The following IDE variants were observed in gnomAD, a reference collection of about 807,000 sequenced individuals.
IDE encodes insulin-degrading enzyme.
Under a neutral mutation model 133.2 loss-of-function variants are expected in IDE, and 58 were observed. The ratio of observed to expected loss-of-function variants is 0.44; its 90% CI spans 0.35 to 0.54. The LOEUF (loss-of-function observed/expected upper bound fraction) is 0.54, where lower values mean the gene tolerates loss of function less well. IDE is among the 20% of genes least tolerant of loss of function. The pLI is 0.00. For missense variants in IDE, 981 were observed against 1,234.0 expected (o/e 0.79, Z 3.07); for synonymous variants, 396 against 421.3 (o/e 0.94, Z 0.73).
intron 1 of IDE, among the ~76,000 whole-genome samples, chr10:92,568,309 T>A (rs1268617698): frequency 6.6e-6 from 1 of 152,150 alleles, no homozygotes; most frequent in African/African-American, 2.4e-5. Flanking sequence ...TACCAGGGCA[T>A]ACTTGCATGA....
chr10:92,491,689 C>T (rs1481815119), intron 11 of IDE, among the ~76,000 whole-genome samples: 1 of 151,454 alleles, frequency 6.6e-6, no homozygotes, highest in Non-Finnish European at 1.5e-5. Context: ...TGGCTCACTG[C>T]AACCTCTGCC....
At chr10:92,512,602 A>T (rs1425110759) in intron 5 of IDE, among the ~76,000 whole-genome samples, 1 of 151,152 alleles carries the variant, frequency 6.6e-6, no homozygotes, top group African/African-American at 2.4e-5. Flanking sequence ...TAATCCCAGG[A>T]CTGGGTTCTA....
intron 11 of IDE, 126 bp downstream of exon 11, chr10:92,504,668 A>T (rs1250581028): frequency 2.9e-5 from 18 of 628,160 alleles, no homozygotes; most frequent in South Asian, 7.9e-5. Context: ...TCATTATACT[A>T]TTCTCTACTT....
chr10:92,487,066 T>A (rs1051456223), intron 13 of IDE, 130 bp downstream of exon 13: 2 of 802,040 alleles, frequency 2.5e-6, no homozygotes, highest in Middle Eastern at 2.4e-4. Flanking sequence ...TTTCTGCAGC[T>A]TTTTTGTCAC....
intron 1 of IDE, among the ~76,000 whole-genome samples, chr10:92,572,290 C>T (rs1843822275): frequency 6.6e-6 from 1 of 152,172 alleles, no homozygotes; most frequent in Admixed American, 6.6e-5. Flanking sequence ...CAGACTGACA[C>T]AAAAGAGGAC....
chr10:92,570,843 G>C (rs1252383535), intron 1 of IDE, among the ~76,000 whole-genome samples: 2 of 151,854 alleles, frequency 1.3e-5, no homozygotes, highest in Non-Finnish European at 2.9e-5. Flanking sequence ...TTGAACCCAA[G>C]AGATGAAGGC....
At chr10:92,511,618 G>A (rs1350712322) in intron 5 of IDE, among the ~76,000 whole-genome samples, 1 of 151,998 alleles carries the variant, frequency 6.6e-6, no homozygotes, top group Admixed American at 6.6e-5. Flanking sequence ...GCCTTTATAT[G>A]GTGTAAAATT....
intron 15 of IDE, 126 bp from the exon 16 acceptor site, chr10:92,476,120 T>C: frequency 1.6e-6 from 1 of 622,120 alleles, no homozygotes; most frequent in Non-Finnish European, 2.8e-6. Flanking sequence ...ACAAATTCAA[T>C]TTAATGTGTC....
At chr10:92,572,485 T>C (rs1212228619) in intron 1 of IDE, among the ~76,000 whole-genome samples, 1 of 152,270 alleles carries the variant, frequency 6.6e-6, no homozygotes, top group African/African-American at 2.4e-5. Context: ...AAAGACTAAG[T>C]CCCAACAGGT....
intron 4 of IDE, among the ~76,000 whole-genome samples, chr10:92,515,553 A>G (rs1466555740): frequency 4.3e-5 from 5 of 117,352 alleles, no homozygotes; most frequent in Non-Finnish European, 6.9e-5. Flanking sequence ...GCAACCGCGC[A>G]CCCGGCCTTT....
intron 1 of IDE, among the ~76,000 whole-genome samples, chr10:92,553,543 T>C (rs1842886900): frequency 6.6e-6 from 1 of 151,712 alleles, no homozygotes; most frequent in African/African-American, 2.4e-5. Context: ...ACAAGGACAT[T>C]ACAAGAAAAG....
At chr10:92,487,671 G>T (rs964861331) in intron 12 of IDE, among the ~76,000 whole-genome samples, 2 of 152,184 alleles carry the variant, frequency 1.3e-5, no homozygotes, top group African/African-American at 4.8e-5. Flanking sequence ...ATCTGCTCAG[G>T]AATATATTCC....
intron 16 of IDE, among the ~76,000 whole-genome samples, chr10:92,475,374 G>C (rs1846199637): frequency 6.6e-6 from 1 of 152,174 alleles, no homozygotes; most frequent in Admixed American, 6.6e-5. Flanking sequence ...ACTGATGGTA[G>C]TTTCTTCTAG....
Position 92,573,969 on chromosome 10 carries a change from G to T in IDE, c.51C>A (p.Phe17Leu). The T allele has an allele frequency of 6.7e-7, 1 of 1,489,240 alleles. No homozygotes were observed. The highest frequency in any genetic ancestry group is 8.9e-7 in the Non-Finnish European group (1 of 1,123,950). The allele number at this position is 1,489,240 out of a possible 1,614,324, so 92.3% of individuals were successfully genotyped here. Residue 17 changes from phenylalanine (F) to leucine (L), a missense_variant, in exon 1 of 25, where the codon TTC becomes TTA. Around this residue, in one of 2 missense-constraint regions of IDE, gnomAD observed 321 missense variants for 339.3 expected, o/e 0.95. Coordinates refer to ENST00000265986, the MANE Select transcript of IDE (RefSeq NM_004969.4). ...GCAGGCGGGCGCCGAGGACTGAGCG[G>T]AAGGTGCTGGGCAGTGCGGGGTGCA... ...WLLHPALPST[F>L]RSVLGARLPP... is the part of the protein sequence containing the mutation.
intron 5 of IDE, among the ~76,000 whole-genome samples, chr10:92,513,499 A>G (rs546331581): frequency 3.8e-4 from 58 of 152,146 alleles, no homozygotes; most frequent in Non-Finnish European, 6.5e-4. Context: ...GGACCCTATT[A>G]GAGTTTTTAA....
chr10:92,455,772 TC>T (rs1396355890), intron 23 of IDE, 129 bp from the exon 24 acceptor site: 18 of 608,786 alleles, frequency 3.0e-5, no homozygotes, highest in Non-Finnish European at 4.7e-5. Context: ...ACTTCTCAGA[TC>T]CTCTAAAGGT....
At chr10:92,490,616 CA>C (rs1847287004) in intron 11 of IDE, 21 bp from the exon 12 acceptor site, 9 of 1,405,656 alleles carry the variant, frequency 6.4e-6, no homozygotes, top group African/African-American at 1.4e-5. Context: ...AAAAAACAAA[CA>C]AAAAAACCCT....
intron 14 of IDE, chr10:92,479,861 A>G (rs1846506092): frequency 6.5e-6 from 1 of 153,344 alleles, no homozygotes; most frequent in African/African-American, 2.4e-5. Context: ...CTTGGTGGAC[A>G]GGAATAAAGG....
chr10:92,502,245 T>C (rs769770618), intron 11 of IDE, among the ~76,000 whole-genome samples: 2 of 152,214 alleles, frequency 1.3e-5, no homozygotes, highest in African/African-American at 2.4e-5. Flanking sequence ...ATATTAATAA[T>C]ATCAAGTCTC....
Sources: gnomAD v4.1 joint callset for allele counts (sites outside exome capture counted in the v4.1 genomes callset) on GRCh38, gnomAD v4.1.1 for gene constraint, gnomAD v4.1.1 regional missense constraint, MANE v1.5 for transcripts, NCBI Gene and HGNC (gene_info 2026-07-23, HGNC 2026-07-21) for gene names.